ZNF503: variants seen among roughly 807,000 people sequenced by gnomAD.
ZNF503 encodes zinc finger protein 503.
In ZNF503, 15 loss-of-function variants were observed where a neutral mutation model predicts 34.4. The ratio of observed to expected loss-of-function variants is 0.44; its 90% CI spans 0.29 to 0.67. The LOEUF is 0.67. Ranked by LOEUF, ZNF503 falls within the 30% of genes least tolerant of loss-of-function variation. The pLI, the probability that ZNF503 is intolerant of heterozygous loss-of-function variation, is 0.13. For missense variants in ZNF503, 1,007 were observed against 926.8 expected, an observed-to-expected ratio of 1.09 and a Z score of -1.12; for synonymous variants, 580 against 456.8, an observed-to-expected ratio of 1.27 and a Z score of -3.44.
At chr10:75,329,433 TCCTTTCTTTCTTTCTTTCTTTCTTTC>T in the ZNF503 span, among the ~76,000 whole-genome samples, 1 of 107,374 alleles carries the variant, frequency 9.3e-6, no homozygotes, top group Non-Finnish European at 2.1e-5. Context: ...CTTCCTTCCT[TCCTTTCTTTCTTTCTTTCTTTCTTTC>T]TCTTTCTTTC....
the ZNF503 span, among the ~76,000 whole-genome samples, chr10:75,293,055 C>T: frequency 6.6e-6 from 1 of 152,094 alleles, no homozygotes; most frequent in Non-Finnish European, 1.5e-5. Flanking sequence ...AATACTGGAC[C>T]CATCAGTTGT....
the ZNF503 span, among the ~76,000 whole-genome samples, chr10:75,330,382 ATTCC>A: frequency 6.6e-6 from 1 of 152,156 alleles, no homozygotes; most frequent in South Asian, 2.1e-4. Context: ...GTTTGGAAGA[ATTCC>A]TTCCTCTTCC....
rs767870266 is a variant in ZNF503 at position 75,400,282 on chromosome 10, C to T, written c.408G>A (p.Ser136=). Residue 136 remains serine, a synonymous_variant, in exon 2 of 2, where the codon TCG becomes TCA. Transcript: ENST00000372524. ...CCGCGCCGCCCCCGTTGGAGGCAACCGAGGAGAGTTTGGAGGAGGGCGAGG... is the reference window on the plus strand; with the variant it reads ...CCGCGCCGCCCCCGTTGGAGGCAACTGAGGAGAGTTTGGAGGAGGGCGAGG... The part of the protein sequence containing the change: ...PDPSPSSKLS[S]VASNGGGAGG... 4 of 1,613,296 alleles carry T rather than the reference C, an allele frequency of 2.5e-6. No individual in the cohort carries two copies. The African/African-American group carries it at 5.3e-5, about 22-fold the overall frequency.
the ZNF503 span, among the ~76,000 whole-genome samples, chr10:75,378,283 C>A: frequency 6.6e-5 from 10 of 152,102 alleles, 1 homozygote; most frequent in Admixed American, 3.3e-4. Flanking sequence ...CTTTTCCAAC[C>A]CCCATCCCCA....
the ZNF503 span, among the ~76,000 whole-genome samples, chr10:75,309,547 A>T: frequency 7.9e-5 from 12 of 152,244 alleles, no homozygotes; most frequent in South Asian, 1.4e-3. Context: ...TCAGAAGATC[A>T]TTAACATTTT....
chr10:75,382,675 TG>T, the ZNF503 span: 1 of 349,502 alleles, frequency 2.9e-6, no homozygotes, highest in Non-Finnish European at 5.7e-6. Context: ...CCCATTCTGC[TG>T]GATCAAAAGT....
At chr10:75,341,198 A>G in the ZNF503 span, among the ~76,000 whole-genome samples, 1 of 152,190 alleles carries the variant, frequency 6.6e-6, no homozygotes, top group Non-Finnish European at 1.5e-5. Context: ...TAGAAAAACT[A>G]TTACTTTCAG....
At chr10:75,365,162 T>C in the ZNF503 span, among the ~76,000 whole-genome samples, 2 of 152,212 alleles carry the variant, frequency 1.3e-5, no homozygotes, top group East Asian at 1.9e-4. Context: ...TCCTTTTTTT[T>C]CTTTGAGACG....
At chr10:75,289,063 C>A in the ZNF503 span, among the ~76,000 whole-genome samples, 1 of 152,116 alleles carries the variant, frequency 6.6e-6, no homozygotes, top group African/African-American at 2.4e-5. Flanking sequence ...AAGAGGGCGG[C>A]CCTGGAGGGT....
chr10:75,336,014 TG>T, the ZNF503 span, among the ~76,000 whole-genome samples: 1 of 152,230 alleles, frequency 6.6e-6, no homozygotes. Flanking sequence ...ACTGGCAGCA[TG>T]GCATGGTAGC....
At chr10:75,390,118 C>T in the ZNF503 span, among the ~76,000 whole-genome samples, 1 of 151,354 alleles carries the variant, frequency 6.6e-6, no homozygotes, top group Non-Finnish European at 1.5e-5. Flanking sequence ...AGGATGGTCT[C>T]GATCTCCTGA....
At chr10:75,347,519 C>T in the ZNF503 span, among the ~76,000 whole-genome samples, 2 of 152,192 alleles carry the variant, frequency 1.3e-5, no homozygotes, top group South Asian at 2.1e-4. Context: ...AGCCTGCATC[C>T]TCCCCAAGGG....
the ZNF503 span, among the ~76,000 whole-genome samples, chr10:75,300,704 C>CTTTTTTT: frequency 3.4e-3 from 371 of 108,706 alleles, 6 homozygotes; most frequent in African/African-American, 4.4e-3. Flanking sequence ...TTCTTTCTTT[C>CTTTTTTT]TTTTTTTTTT....
chr10:75,354,530 T>C, the ZNF503 span, among the ~76,000 whole-genome samples: 57 of 151,754 alleles, frequency 3.8e-4, 2 homozygotes, highest in East Asian at 8.3e-3. Flanking sequence ...CCGCACAGTA[T>C]AGTAGGATCC....
the ZNF503 span, among the ~76,000 whole-genome samples, chr10:75,334,646 T>TA: frequency 2.0e-5 from 3 of 152,242 alleles, no homozygotes; most frequent in Non-Finnish European, 4.4e-5. Flanking sequence ...ATTTATATAT[T>TA]CTAGAAATAA....
At chr10:75,375,265 C>A in the ZNF503 span, among the ~76,000 whole-genome samples, 1 of 152,072 alleles carries the variant, frequency 6.6e-6, no homozygotes, top group African/African-American at 2.4e-5. Context: ...GGACTACAGG[C>A]ACATGCCACC....
At chr10:75,338,999 G>A in the ZNF503 span, among the ~76,000 whole-genome samples, 3 of 152,108 alleles carry the variant, frequency 2.0e-5, no homozygotes, top group Admixed American at 1.3e-4. Context: ...AGGCCGAGGC[G>A]GGTGGATTGC....
the ZNF503 span, among the ~76,000 whole-genome samples, chr10:75,308,135 G>A: frequency 6.8e-6 from 1 of 147,244 alleles, no homozygotes; most frequent in African/African-American, 2.5e-5. Flanking sequence ...AATGACTTAT[G>A]TTAAATCTAC....
At chr10:75,299,738 G>A in the ZNF503 span, among the ~76,000 whole-genome samples, 10 of 152,212 alleles carry the variant, frequency 6.6e-5, no homozygotes, top group African/African-American at 1.4e-4. Context: ...ATCACATGTC[G>A]GTAGGTTCGG....
Sources: gnomAD v4.1 joint callset for allele counts (sites outside exome capture counted in the v4.1 genomes callset) on GRCh38, gnomAD v4.1.1 for gene constraint, MANE v1.5 for transcripts, NCBI Gene and HGNC (gene_info 2026-07-23, HGNC 2026-07-21) for gene names.